Variants in KIF7 observed in about 807,000 individuals in gnomAD.
KIF7 encodes the protein kinesin family member 7.
KIF7 carries 104 observed loss-of-function variants against 135.7 expected under a neutral mutation model. That is an observed-to-expected ratio of 0.77 (90% CI 0.65 to 0.90). The LOEUF is 0.90. KIF7 is among the 40% of genes least tolerant of loss of function. The pLI is 0.00. For synonymous variants in KIF7, 883 were observed against 809.4 expected, an observed-to-expected ratio of 1.09 and a Z score of -1.54; for missense variants, 2,005 against 1,839.1, an observed-to-expected ratio of 1.09 and a Z score of -1.65.
chr15:89,651,436 G>T, intron 2 of KIF7, among the ~76,000 whole-genome samples: 1 of 152,036 alleles, frequency 6.6e-6, no homozygotes. Flanking sequence ...GTTTTGCCAT[G>T]TTGGCTAGGC....
In KIF7 at chr15:89,649,254, T is replaced by C. The variant is rs886051540; in HGVS notation, c.643A>G (p.Ser215Gly). ...TGATHLNHLS[S>G]RSHTVFTVTL... ...ACGGTGAAGACCGTGTGTGAGCGGC[T>C]AGACAGGTGGTTGAGGTGCGTGGCT... Residue 215 changes from serine to glycine, a missense_variant, in exon 4 of 19, where the codon AGC becomes GGC. By Grantham distance (56) the Ser-to-Gly change is moderately conservative. Transcript: ENST00000394412. 7 of 1,532,906 alleles carry C rather than the reference T, an allele frequency of 4.6e-6. No homozygotes were observed. The highest frequency in any genetic ancestry group is 1.4e-5 in the African/African-American group (1 of 72,468). The allele number at this position is 1,532,906 out of a possible 1,614,324, so 95.0% of individuals were successfully genotyped here. A position where few individuals can be genotyped will look rare whatever the true frequency, so the allele number is the denominator to read the frequency against.
chr15:89,642,784 G>C (rs1471868652), intron 10 of KIF7, among the ~76,000 whole-genome samples: 1 of 152,130 alleles, frequency 6.6e-6, no homozygotes, highest in Non-Finnish European at 1.5e-5. Flanking sequence ...GGCCAGGCTG[G>C]TCTCGAACTC....
chr15:89,644,653 C>T (rs546595266), intron 10 of KIF7, among the ~76,000 whole-genome samples: 1 of 152,158 alleles, frequency 6.6e-6, no homozygotes, highest in Admixed American at 6.5e-5. Context: ...CCACTGCACT[C>T]CAGCCTGGGT....
upstream of KIF7, among the ~76,000 whole-genome samples, chr15:89,657,236 G>A (rs559454613): frequency 1.3e-5 from 2 of 151,728 alleles, no homozygotes; most frequent in Middle Eastern, 6.8e-3. Flanking sequence ...GCTTGAGCCT[G>A]GGAGGTGGAG....
intron 1 of KIF7, among the ~76,000 whole-genome samples, chr15:89,653,790 T>C (rs2142038375): frequency 6.7e-6 from 1 of 148,810 alleles, no homozygotes; most frequent in African/African-American, 2.5e-5. Flanking sequence ...ATTAGTATTT[T>C]GTAGAGACAG....
At chr15:89,622,342 G>A (rs1224110621) in intron 1 of KIF7, among the ~76,000 whole-genome samples, 2 of 151,986 alleles carry the variant, frequency 1.3e-5, no homozygotes, top group African/African-American at 4.8e-5. Flanking sequence ...TCCTACCCTA[G>A]TTCAGGTCTA....
chr15:89,647,446 CCA>C, intron 6 of KIF7, 148 bp downstream of exon 6: 2 of 742,754 alleles, frequency 2.7e-6, no homozygotes, highest in Non-Finnish European at 4.7e-6. Flanking sequence ...ATGCTCACCT[CCA>C]CACTTTCGCT....
At chr15:89,640,001 A>T (rs1963887841) in intron 11 of KIF7, among the ~76,000 whole-genome samples, 1 of 152,234 alleles carries the variant, frequency 6.6e-6, no homozygotes. Context: ...AGGGACATGG[A>T]TGAAACTGGA....
rs1352423670 is a variant in KIF7, at chr15:89,628,251, C to A, written c.*168G>T. On this transcript the variant is annotated 3_prime_UTR_variant, in exon 19 of 19. Transcript: ENST00000394412. ...GCATATTATTTTGTTAAATGAGGGT[C>A]CAGTTCTTTTGGGCCATGGCCCAAA... 1.4e-6 allele frequency: 1 copy of A among 716,624 alleles called. No individual in the cohort carries two copies. Among genetic ancestry groups the A allele is most frequent in the African/African-American group, 1.8e-5 (1 of 56,288 alleles). The allele number at this position is 716,624 out of a possible 1,614,324, so 44.4% of individuals were successfully genotyped here. A position where few individuals can be genotyped will look rare whatever the true frequency, so the allele number is the denominator to read the frequency against.
rs751109478 is a variant in KIF7 at position 89,645,447 on chromosome 15, T to C, written c.1927A>G (p.Arg643Gly). The C allele has an allele frequency of 6.2e-7, 1 of 1,611,330 alleles. No homozygotes were observed. The highest frequency in any genetic ancestry group is 1.1e-5 in the South Asian group (1 of 90,630). Reference protein sequence around the residue: ...PRRTLHLRRNRISNCSQRAGA... With the variant: ...PRRTLHLRRNGISNCSQRAGA... ...GCCCTCTGACTGCAGTTGCTGATCC[T>C]ATTTCTGGAGGACAGAAGCAGGAGG... is the stretch of plus-strand genomic sequence containing the variant. The change falls in exon 9 of 19, where the codon AGG becomes GGG. Residue 643 changes from arginine (R) to glycine (G), a missense_variant. Physicochemically the swap from Arg to Gly is moderately radical, Grantham distance 125. Coordinates refer to ENST00000394412, the MANE Select transcript of KIF7 (RefSeq NM_198525.3).
At chr15:89,623,740 A>G, downstream of KIF7, 2 of 1,614,134 alleles carry the variant, frequency 1.2e-6, no homozygotes, top group Non-Finnish European at 1.7e-6. Context: ...GTCCCCTGCA[A>G]AAATGACCCC....
chr15:89,642,905 C>T (rs147069005), intron 10 of KIF7, among the ~76,000 whole-genome samples: 50 of 152,288 alleles, frequency 3.3e-4, no homozygotes, highest in African/African-American at 6.3e-4. Flanking sequence ...TCCACTGCAG[C>T]GACCCAAGGA....
chr15:89,634,323 G>A (rs1402586084), intron 11 of KIF7, among the ~76,000 whole-genome samples: 1 of 152,164 alleles, frequency 6.6e-6, no homozygotes, highest in Non-Finnish European at 1.5e-5. Context: ...GGACACAGGA[G>A]CCAAGATGGC....
intron 5 of KIF7, 82 bp downstream of exon 5, chr15:89,648,173 G>T: frequency 1.5e-6 from 2 of 1,372,374 alleles, no homozygotes; most frequent in East Asian, 6.0e-5. Context: ...CAGGGGCGCA[G>T]CTGCTGTCTG....
intron 5 of KIF7, among the ~76,000 whole-genome samples, chr15:89,647,939 A>AT (rs1209028667): frequency 6.6e-6 from 1 of 152,166 alleles, no homozygotes; most frequent in Non-Finnish European, 1.5e-5. Flanking sequence ...TGTATTAATA[A>AT]TATCACCACT....
At chr15:89,620,066 T>A (rs1019987636) in intron 1 of KIF7, among the ~76,000 whole-genome samples, 2 of 152,202 alleles carry the variant, frequency 1.3e-5, no homozygotes, top group Non-Finnish European at 2.9e-5. Flanking sequence ...TCATTATAGG[T>A]AGCTCATTCA....
At chr15:89,621,441 T>G (rs749720841) in intron 1 of KIF7, 1 of 1,614,020 alleles carries the variant, frequency 6.2e-7, no homozygotes, top group East Asian at 2.2e-5. Flanking sequence ...CCCAAGAGTC[T>G]TCTTTTTGGG....
At chr15:89,618,953 G>T (rs1963379211) in intron 1 of KIF7, among the ~76,000 whole-genome samples, 1 of 152,134 alleles carries the variant, frequency 6.6e-6, no homozygotes, top group African/African-American at 2.4e-5. Flanking sequence ...GCAAGACCAT[G>T]TCTCTAAAAA....
At chr15:89,625,543 C>T, downstream of KIF7, 1 of 1,613,422 alleles carries the variant, frequency 6.2e-7, no homozygotes, top group South Asian at 1.1e-5. Context: ...GGGAGTGTGC[C>T]AGCTCCCAGA....
Sources: gnomAD v4.1 joint callset for allele counts (sites outside exome capture counted in the v4.1 genomes callset) on GRCh38, gnomAD v4.1.1 for gene constraint, MANE v1.5 for transcripts, NCBI Gene and HGNC (gene_info 2026-07-23, HGNC 2026-07-21) for gene names.